SEC63: variants seen among roughly 807,000 people sequenced by gnomAD.
SEC63 encodes the protein SEC63 protein translocation regulator, also known as translocation protein SEC63 homolog.
A neutral mutation model predicts 116.2 loss-of-function variants in SEC63; 56 were observed. That is an observed-to-expected ratio of 0.48 (90% CI 0.39 to 0.60). The LOEUF (loss-of-function observed/expected upper bound fraction) is 0.60. Among genes scored for constraint, SEC63 ranks in the 20% least tolerant of loss-of-function variants. The probability of loss-of-function intolerance (pLI) is 0.00; values close to 1 mark genes in which losing one functional copy is unlikely to be tolerated. For synonymous variants in SEC63, 273 were observed against 294.6 expected (o/e 0.93, Z 0.75); for missense variants, 668 against 900.0 (o/e 0.74, Z 3.30).
At chr6:107,951,653 T>C (rs1770581192) in intron 1 of SEC63, among the ~76,000 whole-genome samples, 1 of 152,062 alleles carries the variant, frequency 6.6e-6, no homozygotes, top group Non-Finnish European at 1.5e-5. Flanking sequence ...ACCAAATAAA[T>C]CAGAGTATCT....
chr6:107,895,752 G>A (rs2114430817), intron 14 of SEC63, among the ~76,000 whole-genome samples: 1 of 151,818 alleles, frequency 6.6e-6, no homozygotes, highest in East Asian at 1.9e-4. Flanking sequence ...GCCAGGCATG[G>A]TGGCTCATGC....
intron 19 of SEC63, among the ~76,000 whole-genome samples, chr6:107,874,763 C>G (rs1246174884): frequency 1.3e-5 from 2 of 152,060 alleles, no homozygotes; most frequent in Non-Finnish European, 2.9e-5. Context: ...GCAGCTTCAA[C>G]CTCATGGGCT....
At chr6:107,893,312 T>C (rs975711236) in intron 16 of SEC63, among the ~76,000 whole-genome samples, 170 bp downstream of exon 16, 17 of 152,008 alleles carry the variant, frequency 1.1e-4, no homozygotes, top group African/African-American at 3.6e-4. Flanking sequence ...GGTAGAGGGA[T>C]GGGGAGATGG....
intron 1 of SEC63, among the ~76,000 whole-genome samples, chr6:107,940,792 T>A (rs1181425308): frequency 2.8e-5 from 4 of 142,364 alleles, no homozygotes; most frequent in Non-Finnish European, 3.0e-5. Context: ...AAAGTATTCT[T>A]AAAAAAAAAA....
chr6:107,874,697 G>C (rs577595245), intron 19 of SEC63, among the ~76,000 whole-genome samples: 1 of 150,886 alleles, frequency 6.6e-6, no homozygotes, highest in Non-Finnish European at 1.5e-5. Context: ...TCTTTCTTTC[G>C]AGACATGTCA....
intron 13 of SEC63, among the ~76,000 whole-genome samples, chr6:107,898,426 C>T (rs1018547262): frequency 9.2e-5 from 14 of 152,110 alleles, no homozygotes; most frequent in Admixed American, 6.6e-4. Context: ...AGGGTTCTGT[C>T]ACCCTATTAA....
intron 18 of SEC63, among the ~76,000 whole-genome samples, chr6:107,879,061 A>G (rs148204250): frequency 1.2e-3 from 187 of 152,334 alleles, no homozygotes; most frequent in African/African-American, 4.4e-3. Flanking sequence ...TGTAAGTCAA[A>G]TATTACTAAG....
intron 16 of SEC63, among the ~76,000 whole-genome samples, chr6:107,889,074 G>A (rs1786609540): frequency 6.6e-6 from 1 of 152,172 alleles, no homozygotes; most frequent in Admixed American, 6.5e-5. Context: ...GTCTCTGCCA[G>A]GTTTTGGTAT....
Position 107,874,230 on chromosome 6 carries a change from G to T in SEC63, c.2035-1318C>A, listed in dbSNP as rs115483756. Among the ~76,000 whole-genome samples, 527 of 152,156 alleles carry T rather than the reference G, an allele frequency of 3.5e-3. 5 individuals carry two copies. Among genetic ancestry groups the T allele is most frequent in the African/African-American group, 0.012 (511 of 41,512 alleles). ...AATGAGTAACCAACGAGACAAATTC[G>T]TATTAAATGATATTCTACAAAACAC... is the stretch of plus-strand genomic sequence containing the variant. On this transcript the variant is annotated intron_variant, in intron 19 of 20. Transcript: ENST00000369002.
rs878979721 is a variant in SEC63 at position 107,901,520 on chromosome 6, G to T, written c.1210-3C>A. ...TCCTGGATAGTTTTAATTTTATACT[G>T]AATAAAAAAAAAAAAGAAAATACAT... On this transcript the variant is annotated splice_region_variant and splice_polypyrimidine_tract_variant and intron_variant, in intron 12 of 20. Transcript: ENST00000369002. The T allele has an allele frequency of 6.8e-7, 1 of 1,479,652 alleles. No homozygotes were observed. The highest frequency in any genetic ancestry group is 9.2e-7 in the Non-Finnish European group (1 of 1,087,550). 91.7% of individuals were successfully genotyped at this position (1,479,652 alleles called of 1,614,324 possible). A position where few individuals can be genotyped will look rare whatever the true frequency, so the allele number is the denominator to read the frequency against.
chr6:107,924,047 G>C (rs904270138), intron 3 of SEC63, among the ~76,000 whole-genome samples: 3 of 147,946 alleles, frequency 2.0e-5, no homozygotes, highest in Admixed American at 6.7e-5. Context: ...GGTGGATCAT[G>C]AGGTCAGGAG....
intron 13 of SEC63, among the ~76,000 whole-genome samples, chr6:107,900,024 T>A (rs1304348929): frequency 1.3e-5 from 2 of 152,106 alleles, no homozygotes; most frequent in African/African-American, 4.8e-5. Context: ...ACAAGCTCAA[T>A]AAGCAGAGGG....
intron 1 of SEC63, among the ~76,000 whole-genome samples, chr6:107,939,445 T>C (rs1453093113): frequency 6.6e-6 from 1 of 152,122 alleles, no homozygotes; most frequent in Non-Finnish European, 1.5e-5. Context: ...GCAGTTTTCA[T>C]TATTAAACTA....
intron 19 of SEC63, among the ~76,000 whole-genome samples, chr6:107,875,261 G>A (rs1293399928): frequency 2.6e-5 from 4 of 152,160 alleles, no homozygotes; most frequent in Admixed American, 6.5e-5. Context: ...AAATACACAC[G>A]CGTGCATGTT....
At chr6:107,915,092 T>C (rs1327532711) in intron 4 of SEC63, among the ~76,000 whole-genome samples, 2 of 152,190 alleles carry the variant, frequency 1.3e-5, no homozygotes, top group African/African-American at 4.8e-5. Context: ...ATACCACTTC[T>C]AAGAGTTAAA....
chr6:107,879,689 T>C (rs1786366163), intron 18 of SEC63, among the ~76,000 whole-genome samples: 1 of 151,702 alleles, frequency 6.6e-6, no homozygotes, highest in African/African-American at 2.4e-5. Flanking sequence ...AGATTAAATT[T>C]GAAAAAGGCA....
chr6:107,902,044 C>T (rs1478651762), intron 12 of SEC63, among the ~76,000 whole-genome samples: 1 of 151,974 alleles, frequency 6.6e-6, no homozygotes, highest in Non-Finnish European at 1.5e-5. Context: ...AAAATGGTTA[C>T]TTAGGAGCGT....
chr6:107,883,265 T>C, intron 16 of SEC63, 119 bp from the exon 17 acceptor site: 1 of 1,238,624 alleles, frequency 8.1e-7, no homozygotes. Flanking sequence ...AATTTCACTA[T>C]TCATATACAA....
chr6:107,876,733 TTTTGGC>T (rs1444746190), intron 18 of SEC63, 71 bp from the exon 19 acceptor site: 2 of 1,079,940 alleles, frequency 1.9e-6, no homozygotes, highest in Non-Finnish European at 2.8e-6. Flanking sequence ...AAGAATATAA[TTTTGGC>T]CTCTCTTATC....
Sources: gnomAD v4.1 joint callset for allele counts (sites outside exome capture counted in the v4.1 genomes callset) on GRCh38, gnomAD v4.1.1 for gene constraint, MANE v1.5 for transcripts, NCBI Gene and HGNC (gene_info 2026-07-23, HGNC 2026-07-21) for gene names.